The following CADM2 variants were observed in gnomAD, a reference collection of about 807,000 sequenced individuals.
The protein encoded by CADM2 is cell adhesion molecule 2.
CADM2 carries 12 observed loss-of-function variants against 49.8 expected under a neutral mutation model. The observed-to-expected ratio is 0.24, with a 90% CI of 0.15 to 0.39. The LOEUF is 0.39. CADM2 is among the 10% of genes least tolerant of loss of function. The pLI, the probability that CADM2 is intolerant of heterozygous loss-of-function variation, is 1.00. For missense variants in CADM2, 378 were observed against 492.3 expected, an observed-to-expected ratio of 0.77 and a Z score of 2.20; for synonymous variants, 214 against 175.4, an observed-to-expected ratio of 1.22 and a Z score of -1.74.
chr3:85,740,311 A>G (rs1195883160), intron 2 of CADM2, among the ~76,000 whole-genome samples: 1 of 152,148 alleles, frequency 6.6e-6, no homozygotes, highest in Non-Finnish European at 1.5e-5. Flanking sequence ...GCCTTATTCC[A>G]GTGAGCCCTG....
intron 7 of CADM2, among the ~76,000 whole-genome samples, chr3:85,936,629 A>G (rs1721215723): frequency 6.6e-6 from 1 of 151,826 alleles, no homozygotes; most frequent in Admixed American, 6.6e-5. Flanking sequence ...TAATAGAAGG[A>G]ATTAAATTGT....
chr3:85,243,028 C>T (rs551834847), intron 1 of CADM2, among the ~76,000 whole-genome samples: 9 of 151,540 alleles, frequency 5.9e-5, no homozygotes. Flanking sequence ...TACTTTAGTT[C>T]TGAGGTCACA....
chr3:85,780,626 A>G (rs2070587880), intron 2 of CADM2, among the ~76,000 whole-genome samples: 1 of 152,144 alleles, frequency 6.6e-6, no homozygotes, highest in Non-Finnish European at 1.5e-5. Flanking sequence ...CAGTTAGCAA[A>G]GTCCCTCAGG....
intron 1 of CADM2, among the ~76,000 whole-genome samples, chr3:85,212,886 C>CTTTCTTTCTTTCTT (rs775133101): frequency 3.9e-5 from 3 of 77,896 alleles, no homozygotes; most frequent in African/African-American, 2.5e-4. Flanking sequence ...TTCTTTCTTT[C>CTTTCTTTCTTTCTT]TCTTTCTTTC....
At chr3:85,706,761 C>A (rs189022884) in intron 1 of CADM2, among the ~76,000 whole-genome samples, 5 of 152,120 alleles carry the variant, frequency 3.3e-5, no homozygotes, top group East Asian at 3.9e-4. Context: ...AGCAAAAAGT[C>A]ATTGCTTATT....
At chr3:85,725,071 C>CA (rs1285808290) in intron 1 of CADM2, among the ~76,000 whole-genome samples, 1 of 151,692 alleles carries the variant, frequency 6.6e-6, no homozygotes, top group East Asian at 1.9e-4. Flanking sequence ...TGTCTATGTC[C>CA]ATTTGAGAGC....
chr3:85,420,453 T>A (rs984059044), intron 1 of CADM2, among the ~76,000 whole-genome samples: 6 of 151,984 alleles, frequency 3.9e-5, no homozygotes, highest in African/African-American at 1.4e-4. Context: ...GAACATGGGG[T>A]GAAGTGATGA....
chr3:85,463,420 A>ATGCATTTAAGTAT (rs2038345469), intron 1 of CADM2, among the ~76,000 whole-genome samples: 1 of 152,142 alleles, frequency 6.6e-6, no homozygotes, highest in African/African-American at 2.4e-5. Flanking sequence ...CTTTCAAGGA[A>ATGCATTTAAGTAT]TGCATTTAAG....
At chr3:85,041,077 C>A (rs908924607) in intron 1 of CADM2, among the ~76,000 whole-genome samples, 3 of 152,058 alleles carry the variant, frequency 2.0e-5, no homozygotes, top group African/African-American at 7.2e-5. Flanking sequence ...TGTTAAACAC[C>A]GACTTAATTC....
chr3:85,925,274 TA>T (rs1397313044), intron 6 of CADM2, among the ~76,000 whole-genome samples: 2 of 152,208 alleles, frequency 1.3e-5, no homozygotes, highest in Non-Finnish European at 2.9e-5. Context: ...GATGGGTTGC[TA>T]TTTTTGCAGA....
intron 3 of CADM2, among the ~76,000 whole-genome samples, chr3:85,812,316 C>T (rs1475473657): frequency 6.6e-6 from 1 of 151,946 alleles, no homozygotes; most frequent in Non-Finnish European, 1.5e-5. Flanking sequence ...ATATTCATGA[C>T]TGAAAACAGG....
chr3:85,200,798 G>T (rs546121985), intron 1 of CADM2, among the ~76,000 whole-genome samples: 1 of 152,222 alleles, frequency 6.6e-6, no homozygotes, highest in African/African-American at 2.4e-5. Context: ...TGTAAAACAT[G>T]AAACCTGTGT....
chr3:85,779,198 T>A (rs528996661), intron 2 of CADM2, among the ~76,000 whole-genome samples: 1 of 123,858 alleles, frequency 8.1e-6, no homozygotes, highest in East Asian at 2.0e-4. Context: ...GAGTTAATGA[T>A]TTTTTTTTTT....
chr3:85,845,356 T>G (rs548737407), intron 3 of CADM2, among the ~76,000 whole-genome samples: 43 of 152,128 alleles, frequency 2.8e-4, no homozygotes, highest in Non-Finnish European at 5.4e-4. Context: ...GATGACCAAC[T>G]CACGGGGAAG....
intron 3 of CADM2, among the ~76,000 whole-genome samples, chr3:85,856,457 A>C (rs1442076680): frequency 6.6e-6 from 1 of 152,166 alleles, no homozygotes; most frequent in Non-Finnish European, 1.5e-5. Flanking sequence ...AGTTGATTGA[A>C]CACTTTTCCC....
chr3:85,233,733 G>A (rs1015255381), intron 1 of CADM2, among the ~76,000 whole-genome samples: 1 of 151,974 alleles, frequency 6.6e-6, no homozygotes. Flanking sequence ...AATTCTCAAT[G>A]GTTTAGAAAG....
chr3:85,973,441 G>A (rs1726401482), intron 8 of CADM2, among the ~76,000 whole-genome samples: 1 of 151,664 alleles, frequency 6.6e-6, no homozygotes, highest in African/African-American at 2.4e-5. Context: ...CCCTGATGAA[G>A]TGCAAAAGTT....
intron 1 of CADM2, among the ~76,000 whole-genome samples, chr3:85,544,589 T>A (rs1278839859): frequency 6.6e-6 from 1 of 151,088 alleles, no homozygotes; most frequent in African/African-American, 2.4e-5. Flanking sequence ...AAAATAAAAA[T>A]AAAAAATAAA....
chr3:85,918,135 T>C (rs1718619541), intron 6 of CADM2, among the ~76,000 whole-genome samples: 1 of 152,208 alleles, frequency 6.6e-6, no homozygotes, highest in African/African-American at 2.4e-5. Context: ...CCTAATTGAA[T>C]GCCCTTTATT....
Sources: allele counts gnomAD v4.1 joint callset (sites outside exome capture counted in the v4.1 genomes callset), GRCh38; gene constraint gnomAD v4.1.1; transcripts MANE v1.5; gene names NCBI Gene and HGNC (gene_info 2026-07-23, HGNC 2026-07-21).